Variants in FOXN1 observed in about 807,000 individuals in gnomAD.
The protein encoded by FOXN1 is forkhead box protein N1.
A neutral mutation model predicts 49.0 loss-of-function variants in FOXN1; 15 were observed. The ratio of observed to expected loss-of-function variants is 0.31; its 90% CI spans 0.20 to 0.47. The LOEUF is 0.47. FOXN1 is among the 20% of genes least tolerant of loss of function. FOXN1 has a pLI of 1.00. For synonymous variants in FOXN1, 356 were observed against 369.0 expected (o/e 0.96, Z 0.40); for missense variants, 800 against 842.8 (o/e 0.95, Z 0.63).
intron 4 of FOXN1, 30 bp from the exon 5 acceptor site, chr17:28,529,064 C>T (rs761850661): frequency 1.2e-6 from 2 of 1,613,710 alleles, no homozygotes; most frequent in South Asian, 1.1e-5. Flanking sequence ...GGGTACCATG[C>T]AATCACTCTG....
intron 1 of FOXN1, among the ~76,000 whole-genome samples, chr17:28,523,067 C>A (rs1296201643): frequency 6.6e-6 from 1 of 152,184 alleles, no homozygotes; most frequent in South Asian, 2.1e-4. Flanking sequence ...GGGCCAACCC[C>A]GGCTTTGAGG....
intron 1 of FOXN1, among the ~76,000 whole-genome samples, chr17:28,522,006 C>T (rs1361382358): frequency 1.3e-5 from 2 of 152,204 alleles, no homozygotes; most frequent in Admixed American, 1.3e-4. Flanking sequence ...CCTGGCCTCC[C>T]AGCCTAGCCT....
intron 4 of FOXN1, 89 bp from the exon 5 acceptor site, chr17:28,529,005 C>G: frequency 6.4e-7 from 1 of 1,561,058 alleles, no homozygotes; most frequent in Non-Finnish European, 8.8e-7. Flanking sequence ...GCCTGAGCCC[C>G]TTCTCTGGAT....
chr17:28,532,631 T>C (rs530337458), intron 6 of FOXN1, among the ~76,000 whole-genome samples: 126 of 152,336 alleles, frequency 8.3e-4, no homozygotes, highest in Middle Eastern at 3.4e-3. Flanking sequence ...TCTTTCCATC[T>C]CTCACTTCCC....
At chr17:28,519,046 C>A (rs1407679961) in intron 1 of FOXN1, among the ~76,000 whole-genome samples, 2 of 152,240 alleles carry the variant, frequency 1.3e-5, no homozygotes, top group Non-Finnish European at 2.9e-5. Context: ...CCACCAATTT[C>A]ACTGGATATG....
chr17:28,509,095 A>G (rs903438938), intron 1 of FOXN1, among the ~76,000 whole-genome samples: 1 of 151,950 alleles, frequency 6.6e-6, no homozygotes, highest in Non-Finnish European at 1.5e-5. Flanking sequence ...GGAGCTGGGG[A>G]AAGACAAGAT....
At chr17:28,529,636 G>A (rs112605251) in intron 5 of FOXN1, among the ~76,000 whole-genome samples, 10 of 152,264 alleles carry the variant, frequency 6.6e-5, no homozygotes, top group South Asian at 2.1e-4. Context: ...GATGTGACTC[G>A]GCTATCCACC....
At chr17:28,510,958 A>G (rs2069383624) in intron 1 of FOXN1, among the ~76,000 whole-genome samples, 1 of 152,220 alleles carries the variant, frequency 6.6e-6, no homozygotes. Context: ...GCTCAGGAAA[A>G]TGCCCCCAGA....
chr17:28,518,663 G>A (rs544925147), intron 1 of FOXN1, among the ~76,000 whole-genome samples: 25 of 151,260 alleles, frequency 1.7e-4, no homozygotes, highest in Non-Finnish European at 3.4e-4. Flanking sequence ...TTCCATCCCC[G>A]CTCCCCAAGG....
chr17:28,519,321 CT>C (rs1597543385), intron 1 of FOXN1, among the ~76,000 whole-genome samples: 1 of 151,356 alleles, frequency 6.6e-6, no homozygotes, highest in East Asian at 1.9e-4. Context: ...ACAGCAAGAC[CT>C]TGTCTCAAAA....
In FOXN1 at chr17:28,507,529, G is replaced by A. The variant is rs534255502; in HGVS notation, c.-15+1086G>A. On this transcript the variant is annotated intron_variant, in intron 1 of 8. Transcript: ENST00000579795. Reference sequence around the variant, plus strand: ...CCCTATGCCAGTCATTGCCCACATCGGGCAGGGCTGCCCCTCCTAGTTTTC... The same window carrying A: ...CCCTATGCCAGTCATTGCCCACATCAGGCAGGGCTGCCCCTCCTAGTTTTC... Among the ~76,000 whole-genome samples, 90 of 152,250 alleles carry A rather than the reference G, an allele frequency of 5.9e-4. No homozygotes were observed. In the South Asian group the frequency reaches 0.016, roughly 27 times the overall value.
At chr17:28,521,539 C>T (rs1326210991) in intron 1 of FOXN1, among the ~76,000 whole-genome samples, 3 of 152,274 alleles carry the variant, frequency 2.0e-5, no homozygotes, top group Non-Finnish European at 4.4e-5. Flanking sequence ...GGCCCCATGC[C>T]TGCTCCGCTG....
Position 28,535,154 on chromosome 17 carries a change from A to T in FOXN1, c.1583A>T (p.Asp528Val), listed in dbSNP as rs764517468. 1.5e-5 allele frequency: 24 copies of T among 1,613,312 alleles called. No individual in the cohort carries two copies. The highest frequency in any genetic ancestry group is 2.0e-5 in the Non-Finnish European group (24 of 1,179,754). ...CTGCCAGATGGAGACCTTGGCACTG[A>T]CCTGGATGCCATCAATCCCTCACTC... ...TLLPDGDLGT[D>V]LDAINPSLTD... The change falls in exon 8 of 9, where the codon GAC (aspartate) becomes GTC (valine). Residue 528 changes from aspartate to valine, a missense_variant. Coordinates refer to ENST00000579795, the MANE Select transcript of FOXN1 (RefSeq NM_001369369.1).
chr17:28,534,370 C>G lies in FOXN1; in HGVS notation c.967C>G (p.Leu323Val). Residue 323 changes from leucine (L) to valine (V), a missense_variant, in exon 7 of 9, where the codon CTA becomes GTA. Coordinates refer to ENST00000579795, the MANE Select transcript of FOXN1 (RefSeq NM_001369369.1). The surrounding 1 kb of genome is among the most constrained non-coding windows in gnomAD (Gnocchi z 4.1). ...DGWKNSVRHN[L>V]SLNKCFEKVE... is the part of the protein sequence containing the mutation. Reference sequence around the variant, plus strand: ...CTGGAAGAATTCTGTCCGGCACAACCTATCCCTCAACAAGTGCTTCGAGAA... The same window carrying G: ...CTGGAAGAATTCTGTCCGGCACAACGTATCCCTCAACAAGTGCTTCGAGAA... The G allele has an allele frequency of 6.2e-7, 1 of 1,614,184 alleles. No homozygotes were observed. Among genetic ancestry groups the G allele is most frequent in the Non-Finnish European group, 8.5e-7 (1 of 1,180,010 alleles).
In FOXN1 at chr17:28,537,490, G is replaced by T; in HGVS notation, c.*54G>T. On this transcript the variant is annotated 3_prime_UTR_variant, in exon 9 of 9. Transcript: ENST00000579795. ...TTTGCCTGGTCTGGAAGTCCTGGCC[G>T]GCCGCCCACATCGGGCTCACCTTAA... is the stretch of plus-strand genomic sequence containing the variant. The T allele has an allele frequency of 7.1e-7, 1 of 1,414,752 alleles. No homozygotes were observed. 87.6% of individuals were successfully genotyped at this position (1,414,752 alleles called of 1,614,324 possible). A position where few individuals can be genotyped will look rare whatever the true frequency, so the allele number is the denominator to read the frequency against.
intron 6 of FOXN1, among the ~76,000 whole-genome samples, chr17:28,531,898 C>T (rs1274268072): frequency 2.0e-5 from 3 of 152,086 alleles, no homozygotes; most frequent in Non-Finnish European, 2.9e-5. Flanking sequence ...GCAAGTTGGC[C>T]GGAGTGGTCT....
rs1597567141 is a variant in FOXN1, at chr17:28,534,611, A to G, written c.1135+73A>G. 1 of 1,591,162 alleles carries G rather than the reference A, an allele frequency of 6.3e-7. No individual in the cohort carries two copies. The highest frequency in any genetic ancestry group is 1.1e-5 in the South Asian group (1 of 87,638). Reference sequence around the variant, plus strand: ...CCAAAAAAAAAAAAAAGAGAGAATCAGAGAATGAGGCAAGGCCCCGAGTAA... The same window carrying G: ...CCAAAAAAAAAAAAAAGAGAGAATCGGAGAATGAGGCAAGGCCCCGAGTAA... On this transcript the variant is annotated intron_variant, in intron 7 of 8. Coordinates refer to ENST00000579795, the MANE Select transcript of FOXN1 (RefSeq NM_001369369.1). This position sits in a 1 kb window ranked among gnomAD's most constrained non-coding sequence, Gnocchi z 4.1.
chr17:28,514,411 G>A (rs767192762), intron 1 of FOXN1, among the ~76,000 whole-genome samples: 3 of 152,192 alleles, frequency 2.0e-5, no homozygotes, highest in African/African-American at 4.8e-5. Flanking sequence ...TTAAGAGCCA[G>A]GGAGGCCAGA....
intron 1 of FOXN1, among the ~76,000 whole-genome samples, chr17:28,515,181 G>A (rs1288132260): frequency 6.6e-6 from 1 of 152,036 alleles, no homozygotes; most frequent in African/African-American, 2.4e-5. Flanking sequence ...CAGAGGAGGG[G>A]TGAGGTCCCT....
Sources: allele counts gnomAD v4.1 joint callset (sites outside exome capture counted in the v4.1 genomes callset), GRCh38; gene constraint gnomAD v4.1.1; non-coding constraint Gnocchi (gnomAD v3.1); transcripts MANE v1.5; gene names NCBI Gene and HGNC (gene_info 2026-07-23, HGNC 2026-07-21).